Variants in RARB observed in about 807,000 individuals in gnomAD.
RARB encodes the protein HBV-activated protein.
Under a neutral mutation model 51.9 loss-of-function variants are expected in RARB, and 17 were observed. The observed-to-expected ratio is 0.33, with a 90% CI of 0.22 to 0.49. The LOEUF is 0.49. Among genes scored for constraint, RARB ranks in the 20% least tolerant of loss-of-function variants. The probability of loss-of-function intolerance (pLI) is 0.99; values close to 1 mark genes in which losing one functional copy is unlikely to be tolerated. For missense variants in RARB, 369 were observed against 550.8 expected (o/e 0.67, Z 3.30); for synonymous variants, 215 against 195.4 (o/e 1.10, Z -0.84).
intron 5 of RARB, among the ~76,000 whole-genome samples, chr3:25,210,259 C>A (rs545029645): frequency 8.5e-5 from 13 of 152,168 alleles, no homozygotes; most frequent in Non-Finnish European, 1.9e-4. Flanking sequence ...CATATCATTT[C>A]TCCTTCCTGT....
intron 2 of RARB, among the ~76,000 whole-genome samples, chr3:24,897,922 C>A (rs1200998746): frequency 3.9e-5 from 6 of 152,152 alleles, no homozygotes; most frequent in Non-Finnish European, 8.8e-5. Context: ...CACTATGGAA[C>A]CTTTTTATTT....
At chr3:25,092,090 G>C (rs953991103) in intron 3 of RARB, among the ~76,000 whole-genome samples, 1 of 152,104 alleles carries the variant, frequency 6.6e-6, no homozygotes, top group African/African-American at 2.4e-5. Flanking sequence ...TCCTAGATTG[G>C]GGAAAAGCAG....
intron 5 of RARB, among the ~76,000 whole-genome samples, chr3:25,256,271 T>G (rs538784299): frequency 7.9e-5 from 12 of 152,132 alleles, no homozygotes; most frequent in Non-Finnish European, 1.6e-4. Context: ...AATTTTAATC[T>G]CCATCAGAGA....
intron 5 of RARB, among the ~76,000 whole-genome samples, chr3:25,327,086 G>T (rs549208706): frequency 6.6e-6 from 1 of 151,998 alleles, no homozygotes; most frequent in South Asian, 2.1e-4. Context: ...GAGAACATGC[G>T]CTGTTTCGTT....
intron 2 of RARB, among the ~76,000 whole-genome samples, chr3:24,960,393 A>C (rs1323787003): frequency 6.6e-6 from 1 of 152,224 alleles, no homozygotes; most frequent in Non-Finnish European, 1.5e-5. Context: ...TTCCTAGGAA[A>C]AGAAAATCTC....
intron 2 of RARB, among the ~76,000 whole-genome samples, chr3:24,916,767 C>CAA (rs386396164): frequency 0.45 from 50,558 of 112,484 alleles, 10,576 homozygotes; most frequent in South Asian, 0.54. Flanking sequence ...GTTTGCTGTT[C>CAA]AAAAAAAAAA....
chr3:25,343,884 C>A (rs1410223819), intron 5 of RARB, among the ~76,000 whole-genome samples: 1 of 152,004 alleles, frequency 6.6e-6, no homozygotes, highest in Non-Finnish European at 1.5e-5. Context: ...GAAGAAGGAA[C>A]TAAAAGGAAA....
chr3:25,113,034 A>G (rs1699629361), intron 3 of RARB, among the ~76,000 whole-genome samples: 1 of 152,068 alleles, frequency 6.6e-6, no homozygotes, highest in African/African-American at 2.4e-5. Flanking sequence ...GTTTTCCTGT[A>G]GTTTTGTTCT....
intron 3 of RARB, among the ~76,000 whole-genome samples, chr3:25,556,725 A>G (rs909369465): frequency 6.6e-6 from 1 of 152,160 alleles, no homozygotes; most frequent in African/African-American, 2.4e-5. Flanking sequence ...TATGTCATGC[A>G]CTTAGCACAG....
intron 5 of RARB, among the ~76,000 whole-genome samples, chr3:25,305,291 G>T (rs1266943903): frequency 6.6e-6 from 1 of 152,066 alleles, no homozygotes; most frequent in Non-Finnish European, 1.5e-5. Context: ...AGAGAAAAAG[G>T]CTGGAGCCTG....
At chr3:25,279,388 G>A (rs1051001311) in intron 5 of RARB, among the ~76,000 whole-genome samples, 1 of 152,104 alleles carries the variant, frequency 6.6e-6, no homozygotes, top group Non-Finnish European at 1.5e-5. Flanking sequence ...CATAATGGGT[G>A]CTTAATGTAG....
At chr3:25,146,492 G>GTTTTTT (rs751190061) in intron 4 of RARB, among the ~76,000 whole-genome samples, 43 of 126,292 alleles carry the variant, frequency 3.4e-4, no homozygotes, top group South Asian at 1.4e-3. Context: ...AATTTGCTAA[G>GTTTTTT]TTTTTTGTTT....
intron 5 of RARB, among the ~76,000 whole-genome samples, chr3:25,202,480 T>A (rs1701419390): frequency 1.3e-5 from 2 of 152,182 alleles, no homozygotes; most frequent in South Asian, 4.1e-4. Flanking sequence ...TCTGCTAGCT[T>A]TTGAATGTGT....
At chr3:25,149,242 T>A (rs749625854) in intron 4 of RARB, among the ~76,000 whole-genome samples, 11 of 152,206 alleles carry the variant, frequency 7.2e-5, no homozygotes, top group Non-Finnish European at 1.6e-4. Flanking sequence ...AGGAATGGTT[T>A]CTAAAATTTG....
At chr3:25,091,366 A>G (rs1699196248) in intron 3 of RARB, among the ~76,000 whole-genome samples, 1 of 152,160 alleles carries the variant, frequency 6.6e-6, no homozygotes, top group Non-Finnish European at 1.5e-5. Context: ...TGAATTCTCA[A>G]GCTACTGCCC....
chr3:24,930,646 G>T (rs1049143817), intron 2 of RARB, among the ~76,000 whole-genome samples: 1 of 151,980 alleles, frequency 6.6e-6, no homozygotes, highest in Admixed American at 6.6e-5. Flanking sequence ...TGCCCAACAC[G>T]GTTCCAAATT....
At chr3:25,066,745 C>A (rs1603978) in intron 3 of RARB, among the ~76,000 whole-genome samples, 108,525 of 150,942 alleles carry the variant, frequency 0.72, 39,132 homozygotes, top group East Asian at 0.84. Flanking sequence ...CCAAAAATAC[C>A]AAAAAAAAAC....
At chr3:25,091,550 A>T (rs1322560805) in intron 3 of RARB, among the ~76,000 whole-genome samples, 1 of 152,144 alleles carries the variant, frequency 6.6e-6, no homozygotes, top group Non-Finnish European at 1.5e-5. Flanking sequence ...TAAATTTTAT[A>T]GGCTTCTCAA....
intron 5 of RARB, among the ~76,000 whole-genome samples, chr3:25,396,407 A>C (rs1275634374): frequency 6.6e-6 from 1 of 152,212 alleles, no homozygotes; most frequent in Admixed American, 6.5e-5. Flanking sequence ...CAGTGGAATC[A>C]ACTGTTGTTT....
Sources: allele counts gnomAD v4.1 joint callset (sites outside exome capture counted in the v4.1 genomes callset), GRCh38; gene constraint gnomAD v4.1.1; transcripts MANE v1.5; gene names NCBI Gene and HGNC (gene_info 2026-07-23, HGNC 2026-07-21).